Variants in CSMD1 observed in about 807,000 individuals in gnomAD.
CSMD1 encodes CUB and Sushi multiple domains 1.
A neutral mutation model predicts 417.5 loss-of-function variants in CSMD1; 213 were observed. That is an observed-to-expected ratio of 0.51 (90% CI 0.46 to 0.57). CSMD1 has a LOEUF of 0.57. Among genes scored for constraint, CSMD1 ranks in the 20% least tolerant of loss-of-function variants. The pLI is 0.00. For missense variants in CSMD1, 6,923 were observed against 4,529.7 expected (o/e 1.53, Z -15.17); for synonymous variants, 2,862 against 1,736.8 (o/e 1.65, Z -16.11).
intron 12 of CSMD1, among the ~76,000 whole-genome samples, chr8:3,429,731 A>G (rs1814095443): frequency 6.6e-6 from 1 of 152,190 alleles, no homozygotes; most frequent in Non-Finnish European, 1.5e-5. Flanking sequence ...TAGGTTTTTC[A>G]GCGTAAAATT....
At chr8:3,378,953 A>G (rs773651976) in intron 18 of CSMD1, among the ~76,000 whole-genome samples, 19 of 152,238 alleles carry the variant, frequency 1.2e-4, no homozygotes, top group Non-Finnish European at 2.2e-4. Flanking sequence ...GATGAAGTCA[A>G]ATTGTCTCTG....
At chr8:3,586,458 T>TGGTGGCCTGGCCCTCCCCG (rs2117001218) in intron 8 of CSMD1, among the ~76,000 whole-genome samples, 198 bp from the exon 9 acceptor site, 1 of 152,130 alleles carries the variant, frequency 6.6e-6, no homozygotes, top group South Asian at 2.1e-4. Flanking sequence ...AGACTTGGGT[T>TGGTGGCCTGGCCCTCCCCG]CAGATTCCTG....
chr8:3,777,917 G>A (rs931914164), intron 5 of CSMD1, among the ~76,000 whole-genome samples: 17 of 151,114 alleles, frequency 1.1e-4, no homozygotes, highest in East Asian at 5.8e-4. Flanking sequence ...CTCCAGACCC[G>A]CAGCCTCCTT....
At chr8:3,109,356 A>G (rs79919259) in intron 43 of CSMD1, among the ~76,000 whole-genome samples, 1,566 of 152,352 alleles carry the variant, frequency 0.01, 30 homozygotes, top group African/African-American at 0.036. Context: ...GGGCATGGCC[A>G]ACCACAGAAT....
intron 1 of CSMD1, among the ~76,000 whole-genome samples, chr8:4,694,135 C>T (rs548636138): frequency 2.0e-5 from 3 of 152,246 alleles, no homozygotes; most frequent in South Asian, 2.1e-4. Flanking sequence ...GATTTGTCCA[C>T]GGGAATTTCC....
At chr8:3,362,272 A>C (rs559559251) in intron 20 of CSMD1, among the ~76,000 whole-genome samples, 1 of 152,112 alleles carries the variant, frequency 6.6e-6, no homozygotes, top group Admixed American at 6.5e-5. Context: ...TGTACCTTCC[A>C]TTTTCCCATC....
intron 49 of CSMD1, among the ~76,000 whole-genome samples, chr8:3,077,351 GAGA>G (rs1273660641): frequency 6.6e-6 from 1 of 152,148 alleles, no homozygotes; most frequent in Non-Finnish European, 1.5e-5. Flanking sequence ...GCCCTGAAAT[GAGA>G]AGATGAGAAG....
At chr8:4,611,523 T>G (rs1286399335) in intron 2 of CSMD1, among the ~76,000 whole-genome samples, 1 of 152,160 alleles carries the variant, frequency 6.6e-6, no homozygotes, top group Non-Finnish European at 1.5e-5. Context: ...CTATCGCAAT[T>G]TATTAAGACC....
chr8:3,951,544 T>C (rs1001232292), intron 5 of CSMD1, among the ~76,000 whole-genome samples: 34 of 151,926 alleles, frequency 2.2e-4, no homozygotes, highest in Non-Finnish European at 1.8e-4. Context: ...TGATGATCTA[T>C]CTAAGTAAAA....
intron 9 of CSMD1, among the ~76,000 whole-genome samples, chr8:3,583,268 T>C (rs572103305): frequency 2.0e-5 from 3 of 152,006 alleles, no homozygotes; most frequent in East Asian, 3.9e-4. Context: ...AGTCAACTGC[T>C]TGGACATGAG....
At chr8:3,284,800 C>A (rs987254748) in intron 25 of CSMD1, 3 of 163,004 alleles carry the variant, frequency 1.8e-5, no homozygotes, top group South Asian at 1.7e-4. Context: ...AAAGAGCTTA[C>A]TCCATTACGA....
intron 7 of CSMD1, among the ~76,000 whole-genome samples, chr8:3,643,778 C>G (rs990200993): frequency 6.6e-6 from 1 of 150,760 alleles, no homozygotes; most frequent in Non-Finnish European, 1.5e-5. Flanking sequence ...AGTCATTGTT[C>G]ACCCACCAGT....
intron 5 of CSMD1, among the ~76,000 whole-genome samples, chr8:3,991,862 T>C (rs992253028): frequency 1.3e-5 from 2 of 152,346 alleles, no homozygotes; most frequent in East Asian, 3.9e-4. Flanking sequence ...CTTTGAAGCC[T>C]ATTTTTCTCA....
intron 5 of CSMD1, among the ~76,000 whole-genome samples, chr8:3,765,335 G>C (rs1425626368): frequency 1.3e-5 from 2 of 152,124 alleles, no homozygotes; most frequent in South Asian, 2.1e-4. Context: ...AGGTTTTTCA[G>C]AAGACATCCC....
In CSMD1 at chr8:3,367,027, C is replaced by T; in HGVS notation, c.3115+5G>A. ...GGAGAGAAACAGCAAACAAGACCAA[C>T]ATACCTGAAAATGTGATATTGAAGC... On this transcript the variant is annotated splice_donor_5th_base_variant and intron_variant, in intron 20 of 69. Transcript: ENST00000635120. The T allele has an allele frequency of 1.2e-6, 2 of 1,609,092 alleles. No homozygotes were observed. The highest frequency in any genetic ancestry group is 1.7e-6 in the Non-Finnish European group (2 of 1,176,040).
intron 1 of CSMD1, among the ~76,000 whole-genome samples, chr8:4,991,026 T>C (rs1426514186): frequency 1.3e-5 from 2 of 152,180 alleles, no homozygotes; most frequent in African/African-American, 2.4e-5. Flanking sequence ...TCTGGCGTAG[T>C]AGTGTTGTGT....
intron 12 of CSMD1, among the ~76,000 whole-genome samples, chr8:3,409,835 A>G (rs891142628): frequency 1.3e-5 from 2 of 152,254 alleles, no homozygotes; most frequent in Non-Finnish European, 2.9e-5. Context: ...TTTAAGGGAT[A>G]CACGTGGCTA....
At chr8:3,606,117 A>G (rs1022805970) in intron 8 of CSMD1, among the ~76,000 whole-genome samples, 1 of 152,206 alleles carries the variant, frequency 6.6e-6, no homozygotes, top group Admixed American at 6.5e-5. Flanking sequence ...TCGGGAAATG[A>G]CAAGAAGCTG....
intron 10 of CSMD1, among the ~76,000 whole-genome samples, chr8:3,558,543 G>GCC (rs1563152772): frequency 2.0e-4 from 29 of 147,864 alleles, no homozygotes; most frequent in Non-Finnish European, 2.2e-4. Flanking sequence ...GATGAACGGT[G>GCC]TCTCAATGGT....
Sources: gnomAD v4.1 joint callset for allele counts (sites outside exome capture counted in the v4.1 genomes callset) on GRCh38, gnomAD v4.1.1 for gene constraint, MANE v1.5 for transcripts, NCBI Gene and HGNC (gene_info 2026-07-23, HGNC 2026-07-21) for gene names.